Variants in ZNF841 observed in about 807,000 individuals in gnomAD.
ZNF841 encodes the protein zinc finger protein 841.
ZNF841 carries 11 observed loss-of-function variants against 13.0 expected under a neutral mutation model. That is an observed-to-expected ratio of 0.85 (90% CI 0.53 to 1.40). ZNF841 has a LOEUF of 1.40. Ranked by LOEUF, ZNF841 falls within the 40% of genes most tolerant of loss-of-function variation. The pLI, the probability that ZNF841 is intolerant of heterozygous loss-of-function variation, is 0.00. For missense variants in ZNF841, 1,068 were observed against 1,139.5 expected, an observed-to-expected ratio of 0.94 and a Z score of 0.90; for synonymous variants, 369 against 381.6, an observed-to-expected ratio of 0.97 and a Z score of 0.38.
chr19:52,078,653 C>G (rs1264212848), intron 4 of ZNF841, among the ~76,000 whole-genome samples: 1 of 147,976 alleles, frequency 6.8e-6, no homozygotes, highest in African/African-American at 2.5e-5. Context: ...GAGCCGAGAT[C>G]GCACCACTGC....
chr19:52,066,397 A>G lies in ZNF841; in HGVS notation c.1485T>C (p.Ser495=), dbSNP rs761758726. 1.2e-6 allele frequency: 2 copies of G among 1,614,066 alleles called. No individual in the cohort carries two copies. The highest frequency in any genetic ancestry group is 2.2e-5 in the South Asian group (2 of 91,074). The change falls in exon 7 of 7, where the codon AGT becomes AGC. Residue 495 remains serine, a synonymous_variant. Coordinates refer to ENST00000594440, the MANE Select transcript of ZNF841 (RefSeq NM_001136499.2). ...YKCNECGKVF[S]QHSHLAVHQR... is the part of the protein sequence containing the mutation. ...GATGCACTGCAAGATGTGAATGTTG[A>G]CTGAAGACCTTGCCACATTCATTAC...
intron 4 of ZNF841, among the ~76,000 whole-genome samples, chr19:52,080,442 G>A (rs1229267667): frequency 6.6e-6 from 1 of 152,132 alleles, no homozygotes; most frequent in African/African-American, 2.4e-5. Context: ...CCATGCACTG[G>A]GGTAACAGAA....
chr19:52,075,843 T>C (rs932866485), intron 6 of ZNF841, among the ~76,000 whole-genome samples: 1 of 152,196 alleles, frequency 6.6e-6, no homozygotes, highest in African/African-American at 2.4e-5. Flanking sequence ...TGTACTTTGC[T>C]CTGTTTGAGC....
chr19:52,080,514 T>C (rs901819452), intron 4 of ZNF841, among the ~76,000 whole-genome samples: 2 of 152,336 alleles, frequency 1.3e-5, no homozygotes, highest in Middle Eastern at 3.4e-3. Flanking sequence ...TCTGTCCAAC[T>C]TCCTGACTTT....
rs775994829 is a variant in ZNF841 at position 52,066,873 on chromosome 19, T to C, written c.1009A>G (p.Arg337Gly). Residue 337 changes from arginine (R) to glycine (G), a missense_variant, in exon 7 of 7, where the codon AGA becomes GGA. By Grantham distance (125) the Arg-to-Gly change is moderately radical. Coordinates refer to ENST00000594440, the MANE Select transcript of ZNF841 (RefSeq NM_001136499.2). ...TAGGGTTTGTCTCCAGTGTGACTTC[T>C]CCGGTGATTTACAAGATCTGAATTT... ...RQNSDLVNHR[R>G]SHTGDKPYIC... The C allele has an allele frequency of 1.2e-5, 20 of 1,614,110 alleles. No individual in the cohort carries two copies. Among genetic ancestry groups the C allele is most frequent in the Non-Finnish European group, 1.5e-5 (18 of 1,180,046 alleles).
intron 3 of ZNF841, among the ~76,000 whole-genome samples, chr19:52,087,566 G>C (rs1246691657): frequency 6.6e-6 from 1 of 152,130 alleles, no homozygotes; most frequent in East Asian, 1.9e-4. Flanking sequence ...TTATGGGAAG[G>C]CTGTTGTTTT....
chr19:52,090,593 T>A (rs1169904727), intron 2 of ZNF841, among the ~76,000 whole-genome samples: 2 of 139,414 alleles, frequency 1.4e-5, no homozygotes, highest in Non-Finnish European at 3.0e-5. Flanking sequence ...AGTAACAATG[T>A]GAGGCTGGTC....
downstream of ZNF841, among the ~76,000 whole-genome samples, chr19:52,060,745 T>C (rs1374770449): frequency 2.0e-5 from 3 of 152,164 alleles, no homozygotes; most frequent in East Asian, 1.9e-4. Context: ...GTGATGCAGT[T>C]AGCAGCAGCA....
intron 4 of ZNF841, among the ~76,000 whole-genome samples, chr19:52,078,776 G>C (rs2087996409): frequency 6.6e-6 from 1 of 150,764 alleles, no homozygotes; most frequent in Non-Finnish European, 1.5e-5. Context: ...ATTTTCAATA[G>C]TGTTCCCAAG....
downstream of ZNF841, among the ~76,000 whole-genome samples, chr19:52,064,032 T>C (rs1214100877): frequency 6.6e-6 from 1 of 152,036 alleles, no homozygotes; most frequent in Non-Finnish European, 1.5e-5. Context: ...TTATGCCTAG[T>C]GAACACTTGC....
intron 4 of ZNF841, among the ~76,000 whole-genome samples, chr19:52,080,398 T>A (rs561883173): frequency 6.6e-6 from 1 of 152,168 alleles, no homozygotes; most frequent in Non-Finnish European, 1.5e-5. Context: ...GAAGGAAAAT[T>A]TGAAGCATCC....
Position 52,066,236 on chromosome 19 carries a change from A to G in ZNF841, c.1646T>C (p.Val549Ala), listed in dbSNP as rs2087555685. The change falls in exon 7 of 7, where the codon GTC becomes GCC. Residue 549 changes from valine (V) to alanine (A), a missense_variant. Coordinates refer to ENST00000594440, the MANE Select transcript of ZNF841 (RefSeq NM_001136499.2). The part of the protein sequence containing the change: ...KPYKCNVCGK[V>A]FNYGGYLSVH... ...CGAAAGGTATCCACCGTAATTAAAG[A>G]CCTTGCCACACACATTACATTTGTA... 1 of 1,613,752 alleles carries G rather than the reference A, an allele frequency of 6.2e-7. No homozygotes were observed. The highest frequency in any genetic ancestry group is 1.3e-5 in the African/African-American group (1 of 74,838).
chr19:52,063,300 T>G (rs752091556), downstream of ZNF841, among the ~76,000 whole-genome samples: 3 of 152,200 alleles, frequency 2.0e-5, no homozygotes, highest in African/African-American at 4.8e-5. Flanking sequence ...CACACTGATA[T>G]GACTTTTTTC....
chr19:52,082,411 C>A (rs1025526762), intron 4 of ZNF841, among the ~76,000 whole-genome samples: 1 of 151,990 alleles, frequency 6.6e-6, no homozygotes, highest in Non-Finnish European at 1.5e-5. Flanking sequence ...ATATAATCTA[C>A]AAAAAGATAT....
At chr19:52,087,201 G>T (rs1205673035) in intron 3 of ZNF841, among the ~76,000 whole-genome samples, 1 of 152,176 alleles carries the variant, frequency 6.6e-6, no homozygotes, top group Non-Finnish European at 1.5e-5. Context: ...TATTTTCGTT[G>T]TTTTCTTTTT....
chr19:52,065,128 T>C lies in ZNF841; in HGVS notation c.2754A>G (p.Leu918=). Residue 918 remains leucine, a synonymous_variant, in exon 7 of 7, where the codon CTA becomes CTG. Coordinates refer to ENST00000594440, the MANE Select transcript of ZNF841 (RefSeq NM_001136499.2). ...TAAATTATTTGGGGATCCCAGAGGT[T>C]AGGACAACATCTAACGGCCTTTCCA... is the stretch of plus-strand genomic sequence containing the variant. ...LNVERPLDVV[L]TSGIPK is the part of the protein sequence containing the mutation. The C allele has an allele frequency of 6.5e-7, 1 of 1,541,592 alleles. No individual in the cohort carries two copies. The highest frequency in any genetic ancestry group is 8.7e-7 in the Non-Finnish European group (1 of 1,146,986).
chr19:52,075,984 CAG>C lies in ZNF841; in HGVS notation c.271+58_271+59del, dbSNP rs571913880. The C allele has an allele frequency of 5.6e-4, 851 of 1,523,466 alleles. 7 individuals are homozygous for C. In the South Asian group the frequency reaches 9.3e-3, roughly 17 times the overall value. 94.4% of individuals were successfully genotyped at this position (1,523,466 alleles called of 1,614,324 possible). A position where few individuals can be genotyped will look rare whatever the true frequency, so the allele number is the denominator to read the frequency against. On this transcript the variant is annotated intron_variant, in intron 6 of 6. Coordinates refer to ENST00000594440, the MANE Select transcript of ZNF841 (RefSeq NM_001136499.2). Reference sequence around the variant, plus strand: ...TTTCCCCACAGAACTCTCCCACTTGCAGAGTCTTACGCACACAATTTCATGGT... The same window carrying C: ...TTTCCCCACAGAACTCTCCCACTTGCAGTCTTACGCACACAATTTCATGGT...
At chr19:52,068,154 C>T (rs2087639965) in intron 6 of ZNF841, among the ~76,000 whole-genome samples, 1 of 151,952 alleles carries the variant, frequency 6.6e-6, no homozygotes, top group Admixed American at 6.6e-5. Flanking sequence ...AAATTCTAAA[C>T]AATTCTCCAT....
In ZNF841 at chr19:52,093,930, T is replaced by A. The variant is rs1393115489; in HGVS notation, c.-228A>T. 1.3e-5 allele frequency: 2 copies of A among 152,082 alleles called. No individual in the cohort carries two copies. The highest frequency in any genetic ancestry group is 2.9e-5 in the Non-Finnish European group (2 of 68,044). 9.4% of individuals were successfully genotyped at this position (152,082 alleles called of 1,614,324 possible). On this transcript the variant is annotated 5_prime_UTR_variant, in exon 2 of 7. Coordinates refer to ENST00000594440, the MANE Select transcript of ZNF841 (RefSeq NM_001136499.2). ...GGAAAGACTGCTTGAGGCCAGGAAG[T>A]AGAAGCTGCAGTGAGCCGAGATCAT...
Sources: allele counts gnomAD v4.1 joint callset (sites outside exome capture counted in the v4.1 genomes callset), GRCh38; gene constraint gnomAD v4.1.1; transcripts MANE v1.5; gene names NCBI Gene and HGNC (gene_info 2026-07-23, HGNC 2026-07-21).